Variants in ZNF567 observed in about 807,000 individuals in gnomAD.
ZNF567 encodes zinc finger protein 567.
Under a neutral mutation model 53.9 loss-of-function variants are expected in ZNF567, and 36 were observed. The ratio of observed to expected loss-of-function variants is 0.67; its 90% CI spans 0.51 to 0.88. ZNF567 has a LOEUF of 0.88. ZNF567 is among the 40% of genes least tolerant of loss of function. ZNF567 has a pLI of 0.00. For synonymous variants in ZNF567, 224 were observed against 260.4 expected (o/e 0.86, Z 1.35); for missense variants, 619 against 764.7 (o/e 0.81, Z 2.25).
chr19:36,702,942 G>T (rs991372245), intron 3 of ZNF567, among the ~76,000 whole-genome samples: 13 of 152,138 alleles, frequency 8.5e-5, no homozygotes, highest in Non-Finnish European at 1.3e-4. Context: ...GTCATTCTCC[G>T]TCCAGCTTTG....
the ZNF567 span, among the ~76,000 whole-genome samples, chr19:36,682,187 G>A: frequency 2.0e-5 from 3 of 151,432 alleles, no homozygotes; most frequent in Non-Finnish European, 4.4e-5. Flanking sequence ...TGAGGCTGAG[G>A]TGGGAGGATT....
chr19:36,669,772 G>C, the ZNF567 span, among the ~76,000 whole-genome samples: 1 of 152,148 alleles, frequency 6.6e-6, no homozygotes, highest in Non-Finnish European at 1.5e-5. Context: ...CCTCCCCTTT[G>C]TTCAAGGGCT....
chr19:36,712,140 G>C (rs866752556), intron 3 of ZNF567: 3 of 379,244 alleles, frequency 7.9e-6, no homozygotes, highest in Middle Eastern at 8.5e-4. Flanking sequence ...TCCGCCTCCT[G>C]GTTTCAAGCT....
rs188065710 is a variant in ZNF567, at chr19:36,707,446, C to T, written c.10-4940C>T. 2.1e-4 allele frequency among the ~76,000 whole-genome samples: 32 copies of T among 152,210 alleles called. 1 individual carries two copies. The South Asian group carries it at 4.8e-3, about 23-fold the overall frequency. On this transcript the variant is annotated intron_variant, in intron 3 of 5. Coordinates refer to ENST00000682579, the MANE Select transcript of ZNF567 (RefSeq NM_001322917.1). ...TGTGTAATCTGTTGTTACTACCACC[C>T]GTTGTATTTTTCATATCATGTATTT...
chr19:36,695,860 T>C (rs574572411), intron 3 of ZNF567, among the ~76,000 whole-genome samples: 7 of 152,144 alleles, frequency 4.6e-5, no homozygotes, highest in Non-Finnish European at 8.8e-5. Context: ...CTTTATTGCA[T>C]CCACAGACTG....
At chr19:36,676,858 T>C in the ZNF567 span, among the ~76,000 whole-genome samples, 1 of 151,958 alleles carries the variant, frequency 6.6e-6, no homozygotes, top group African/African-American at 2.4e-5. Flanking sequence ...TCTCTATTTA[T>C]AAAAGTAAAA....
At chr19:36,688,343 T>C (rs1489092055) in intron 1 of ZNF567, among the ~76,000 whole-genome samples, 1 of 152,120 alleles carries the variant, frequency 6.6e-6, no homozygotes, top group African/African-American at 2.4e-5. Context: ...GTGGAGTGCT[T>C]GAGAAACCGA....
At chr19:36,674,411 T>C in the ZNF567 span, among the ~76,000 whole-genome samples, 3 of 152,338 alleles carry the variant, frequency 2.0e-5, no homozygotes, top group South Asian at 2.1e-4. Flanking sequence ...CAAGAATTCA[T>C]AGGAGCTCTG....
chr19:36,704,439 C>T (rs1291807677), intron 3 of ZNF567, among the ~76,000 whole-genome samples: 1 of 151,606 alleles, frequency 6.6e-6, no homozygotes, highest in Non-Finnish European at 1.5e-5. Flanking sequence ...AAACAAAAAA[C>T]AAAAAAAGTG....
intron 5 of ZNF567, among the ~76,000 whole-genome samples, chr19:36,715,509 A>AATAATAATAATAATT: frequency 2.2e-5 from 1 of 45,824 alleles, no homozygotes; most frequent in East Asian, 9.9e-4. Context: ...TAATAATAAT[A>AATAATAATAATAATT]ATTATTATTA....
chr19:36,675,205 A>G, the ZNF567 span, among the ~76,000 whole-genome samples: 3 of 152,232 alleles, frequency 2.0e-5, no homozygotes, highest in Non-Finnish European at 4.4e-5. Context: ...TATATTTAAA[A>G]CAAAAAATCA....
intron 3 of ZNF567, among the ~76,000 whole-genome samples, chr19:36,696,343 A>G (rs954816423): frequency 3.2e-4 from 49 of 152,098 alleles, no homozygotes; most frequent in African/African-American, 1.1e-3. Flanking sequence ...ACCTACCACT[A>G]TTATTCTAAT....
At chr19:36,677,617 G>A in the ZNF567 span, among the ~76,000 whole-genome samples, 3 of 149,316 alleles carry the variant, frequency 2.0e-5, no homozygotes, top group Non-Finnish European at 3.0e-5. Context: ...AAATACAAAA[G>A]TTAGCCAGGC....
At chr19:36,679,986 C>G in the ZNF567 span, among the ~76,000 whole-genome samples, 1 of 152,090 alleles carries the variant, frequency 6.6e-6, no homozygotes, top group Non-Finnish European at 1.5e-5. Context: ...TTTATATGTT[C>G]TTACCACAAA....
At chr19:36,697,702 C>T (rs187211213) in intron 3 of ZNF567, among the ~76,000 whole-genome samples, 100 of 151,484 alleles carry the variant, frequency 6.6e-4, no homozygotes, top group Non-Finnish European at 1.2e-3. Flanking sequence ...ACCTCTGCCT[C>T]CCAGGTTCAA....
rs1600492728 is a variant in ZNF567, at chr19:36,690,878, G to C, written c.-67+1381G>C. On this transcript the variant is annotated intron_variant, in intron 2 of 5. Coordinates refer to ENST00000682579, the MANE Select transcript of ZNF567 (RefSeq NM_001322917.1). Reference sequence around the variant, plus strand: ...CTCTGCAATGTGTAACACTGAGCAAGCCATGAGTGTCTCCTGTGTTAGTCA... The same window carrying C: ...CTCTGCAATGTGTAACACTGAGCAACCCATGAGTGTCTCCTGTGTTAGTCA... 2.6e-5 allele frequency among the ~76,000 whole-genome samples: 4 copies of C among 152,300 alleles called. 1 individual carries two copies. The South Asian group carries it at 8.3e-4, about 32-fold the overall frequency.
chr19:36,667,248 A>T, the ZNF567 span, among the ~76,000 whole-genome samples: 1 of 152,164 alleles, frequency 6.6e-6, no homozygotes, highest in Non-Finnish European at 1.5e-5. Context: ...ATTTAAAAAA[A>T]AATTTTTTTT....
Position 36,719,506 on chromosome 19 carries a change from C to G in ZNF567, c.782C>G (p.Ser261Cys). ...KKHTCNECGK[S>C]FCRKSVLILH... ...CATACATGCAATGAATGTGGGAAATCTTTCTGCAGGAAATCAGTATTGATT... is the reference window on the plus strand; with the variant it reads ...CATACATGCAATGAATGTGGGAAATGTTTCTGCAGGAAATCAGTATTGATT... Residue 261 changes from serine to cysteine, a missense_variant, in exon 6 of 6, where the codon TCT (serine) becomes TGT (cysteine). By Grantham distance (112) the Ser-to-Cys change is moderately radical (BLOSUM62 -1). Transcript: ENST00000682579. 2 of 1,613,162 alleles carry G rather than the reference C, an allele frequency of 1.2e-6. No individual in the cohort carries two copies. Among genetic ancestry groups the G allele is most frequent in the African/African-American group, 2.7e-5 (2 of 74,974 alleles).
chr19:36,706,856 A>G (rs2039523375), intron 3 of ZNF567, among the ~76,000 whole-genome samples: 1 of 150,774 alleles, frequency 6.6e-6, no homozygotes, highest in African/African-American at 2.4e-5. Flanking sequence ...GGGTCTCACT[A>G]TGTTGCCTAG....
Sources: allele counts gnomAD v4.1 joint callset (sites outside exome capture counted in the v4.1 genomes callset), GRCh38; gene constraint gnomAD v4.1.1; transcripts MANE v1.5; gene names NCBI Gene and HGNC (gene_info 2026-07-23, HGNC 2026-07-21).